Variants in CSMD3 observed in about 807,000 individuals in gnomAD.
CSMD3 encodes the protein CUB and sushi domain-containing protein 3.
A neutral mutation model predicts 435.2 loss-of-function variants in CSMD3; 177 were observed. That is an observed-to-expected ratio of 0.41 (90% CI 0.36 to 0.46). CSMD3 has a LOEUF of 0.46. Among genes scored for constraint, CSMD3 ranks in the 20% least tolerant of loss-of-function variants. The probability of loss-of-function intolerance (pLI) is 0.34; values close to 1 mark genes in which losing one functional copy is unlikely to be tolerated. For missense variants in CSMD3, 4,265 were observed against 4,504.6 expected, an observed-to-expected ratio of 0.95 and a Z score of 1.52; for synonymous variants, 1,656 against 1,520.5, an observed-to-expected ratio of 1.09 and a Z score of -2.07.
intron 16 of CSMD3, among the ~76,000 whole-genome samples, chr8:112,670,163 TGAAATCAAGAAGAA>T (rs2075623731): frequency 1.3e-5 from 2 of 152,084 alleles, no homozygotes; most frequent in Admixed American, 6.6e-5. Flanking sequence ...AGAATGAAGA[TGAAATCAAGAAGAA>T]GAAATCAAGA....
chr8:113,000,037 A>G (rs1280335977), intron 6 of CSMD3, among the ~76,000 whole-genome samples: 1 of 151,982 alleles, frequency 6.6e-6, no homozygotes, highest in East Asian at 1.9e-4. Context: ...AGAGGATTTA[A>G]AGCTATGGAA....
At chr8:112,770,732 TTATC>T (rs1299820385) in intron 13 of CSMD3, among the ~76,000 whole-genome samples, 6 of 152,060 alleles carry the variant, frequency 3.9e-5, no homozygotes, top group Non-Finnish European at 5.9e-5. Context: ...AAAGCATTGC[TTATC>T]TATATAATAT....
rs750898293 is a variant in CSMD3 at position 112,933,184 on chromosome 8, C to A, written c.1509-11433G>T. The stretch of plus-strand genomic sequence containing the variant: ...TAAGAATAGATATGGTGCTAAAATA[C>A]AAATAGATAGCTGTATAAGATGTTA... On this transcript the variant is annotated intron_variant, in intron 9 of 70. Transcript: ENST00000297405. Among the ~76,000 whole-genome samples the A allele has an allele frequency of 2.1e-4, 32 of 151,770 alleles. 1 individual carries two copies. The highest frequency in any genetic ancestry group is 5.9e-4 in the Admixed American group (9 of 15,236).
chr8:113,131,893 C>G lies in CSMD3; in HGVS notation c.710-32930G>C, dbSNP rs571319214. On this transcript the variant is annotated intron_variant, in intron 4 of 70. Coordinates refer to ENST00000297405, the MANE Select transcript of CSMD3 (RefSeq NM_198123.2). ...CCCCTTGCATCTAGGCAAGTTCTCA[C>G]TATTTTGCTCAGGCTGGTCTCAAAT... Among the ~76,000 whole-genome samples, 11 of 152,310 alleles carry G rather than the reference C, an allele frequency of 7.2e-5. No individual in the cohort carries two copies. The South Asian group carries it at 1.7e-3, about 23-fold the overall frequency.
chr8:112,230,819 G>GAA (rs201088357), intron 69 of CSMD3, among the ~76,000 whole-genome samples: 2 of 139,774 alleles, frequency 1.4e-5, no homozygotes, highest in Non-Finnish European at 3.1e-5. Context: ...TCTCAAAAAA[G>GAA]AAAAAAAAAA....
chr8:112,345,130 C>T (rs949818444), intron 41 of CSMD3, among the ~76,000 whole-genome samples: 36 of 152,222 alleles, frequency 2.4e-4, no homozygotes, highest in African/African-American at 8.4e-4. Context: ...ACCTGGCACA[C>T]TGTTGGTGGG....
rs1818602012 is a variant in CSMD3, at chr8:112,281,256, C to T, written c.9426G>A (p.Met3142Ile). 11 of 1,613,316 alleles carry T rather than the reference C, an allele frequency of 6.8e-6. No individual in the cohort carries two copies. Among genetic ancestry groups the T allele is most frequent in the Non-Finnish European group, 9.3e-6 (11 of 1,179,420 alleles). Residue 3142 changes from methionine (M) to isoleucine (I), a missense_variant, in exon 59 of 71, where the codon ATG becomes ATA. Physicochemically the swap from Met to Ile is conservative, Grantham distance 10 (BLOSUM62 1). Around this residue, in one of 3 missense-constraint regions of CSMD3, gnomAD observed 3,255 missense variants for 3,380.2 expected, o/e 0.96. Coordinates refer to ENST00000297405, the MANE Select transcript of CSMD3 (RefSeq NM_198123.2). The part of the protein sequence containing the change: ...TFSSSVIYSC[M>I]EGYILSGPSV... ...AAGGTCCAGAAAGGATGTATCCCTC[C>T]ATGCAGGAATAAATGACTGAACTAG...
intron 36 of CSMD3, among the ~76,000 whole-genome samples, chr8:112,389,613 T>C (rs1001188163): frequency 1.2e-4 from 19 of 152,208 alleles, no homozygotes; most frequent in Non-Finnish European, 2.9e-5. Context: ...TATAAATCCA[T>C]GAAGCTGATT....
At chr8:113,373,728 G>C (rs2094361101) in intron 1 of CSMD3, among the ~76,000 whole-genome samples, 1 of 151,984 alleles carries the variant, frequency 6.6e-6, no homozygotes, top group Non-Finnish European at 1.5e-5. Flanking sequence ...CAAAAACCTA[G>C]GGTATTTATC....
intron 4 of CSMD3, among the ~76,000 whole-genome samples, chr8:113,163,774 T>A (rs2131844595): frequency 6.6e-6 from 1 of 152,176 alleles, no homozygotes; most frequent in East Asian, 1.9e-4. Flanking sequence ...ACCAGTGACA[T>A]TAGGCATGTA....
chr8:113,272,450 G>A (rs1048861961), intron 3 of CSMD3, among the ~76,000 whole-genome samples: 7 of 151,362 alleles, frequency 4.6e-5, no homozygotes, highest in African/African-American at 1.7e-4. Context: ...GAGATTTAAT[G>A]GTTTTATCAG....
At chr8:112,691,582 A>G (rs746269086) in intron 13 of CSMD3, among the ~76,000 whole-genome samples, 1 of 151,920 alleles carries the variant, frequency 6.6e-6, no homozygotes, top group Non-Finnish European at 1.5e-5. Context: ...GAGAAGTGAC[A>G]TTTTTCAAGG....
chr8:113,042,059 A>G (rs1387200337), intron 5 of CSMD3, among the ~76,000 whole-genome samples: 3 of 152,202 alleles, frequency 2.0e-5, no homozygotes, highest in African/African-American at 7.2e-5. Context: ...ATATGTATCT[A>G]CAACATTTTT....
intron 7 of CSMD3, among the ~76,000 whole-genome samples, chr8:112,957,664 T>C (rs954027437): frequency 1.3e-5 from 2 of 152,160 alleles, no homozygotes; most frequent in African/African-American, 4.8e-5. Flanking sequence ...TTGGCCAGGC[T>C]GGTCTCAAAC....
chr8:113,033,843 T>C (rs2087227936), intron 5 of CSMD3, among the ~76,000 whole-genome samples: 1 of 151,470 alleles, frequency 6.6e-6, no homozygotes, highest in Non-Finnish European at 1.5e-5. Context: ...CCCCATGTGC[T>C]GAGGGAGGTA....
intron 3 of CSMD3, among the ~76,000 whole-genome samples, chr8:113,253,794 G>A (rs1033284064): frequency 1.3e-5 from 2 of 151,124 alleles, no homozygotes; most frequent in South Asian, 2.1e-4. Flanking sequence ...ACCCGAGATC[G>A]TGCCACTGCA....
intron 40 of CSMD3, among the ~76,000 whole-genome samples, chr8:112,348,838 TA>T (rs1304837891): frequency 6.6e-6 from 1 of 152,154 alleles, no homozygotes; most frequent in African/African-American, 2.4e-5. Flanking sequence ...AGTAATTTTT[TA>T]AAAAATTGTT....
intron 13 of CSMD3, among the ~76,000 whole-genome samples, chr8:112,796,443 A>C (rs2078830488): frequency 6.6e-6 from 1 of 151,980 alleles, no homozygotes; most frequent in South Asian, 2.1e-4. Context: ...AATAATTCTT[A>C]CCTCTTATCG....
At chr8:112,844,966 G>A (rs179580) in intron 11 of CSMD3, among the ~76,000 whole-genome samples, 36,506 of 151,638 alleles carry the variant, frequency 0.24, 5,036 homozygotes, top group Non-Finnish European at 0.32. Flanking sequence ...ATATGATTCC[G>A]GTATAATCAT....
Sources: gnomAD v4.1 joint callset for allele counts (sites outside exome capture counted in the v4.1 genomes callset) on GRCh38, gnomAD v4.1.1 for gene constraint, gnomAD v4.1.1 regional missense constraint, MANE v1.5 for transcripts, NCBI Gene and HGNC (gene_info 2026-07-23, HGNC 2026-07-21) for gene names.